The following CIRSR variants were observed in gnomAD, a reference collection of about 807,000 sequenced individuals.
CIRSR encodes CBF1 (RBPJ) interacting corepressor 1.
chr2:174,383,781 G>C, the CIRSR span, among the ~76,000 whole-genome samples: 2 of 140,746 alleles, frequency 1.4e-5, no homozygotes, highest in Non-Finnish European at 3.0e-5. Flanking sequence ...GGTATCACTA[G>C]TTATTAGGGA....
chr2:174,386,550 G>A, the CIRSR span, among the ~76,000 whole-genome samples: 5 of 152,066 alleles, frequency 3.3e-5, no homozygotes, highest in Non-Finnish European at 7.3e-5. Flanking sequence ...GTGTGGAGCT[G>A]TCCTGTGCAT....
At chr2:174,370,272 A>T in the CIRSR span, among the ~76,000 whole-genome samples, 2 of 152,202 alleles carry the variant, frequency 1.3e-5, no homozygotes, top group Non-Finnish European at 2.9e-5. Flanking sequence ...GTTGGTCTCA[A>T]ACGCTGGTCT....
the CIRSR span, among the ~76,000 whole-genome samples, chr2:174,359,336 A>T: frequency 1.4e-4 from 1 of 7,302 alleles, no homozygotes; most frequent in African/African-American, 1.9e-4. Flanking sequence ...ATTTTACTTA[A>T]AAAAAAAAAA....
At chr2:174,391,743 T>C in the CIRSR span, among the ~76,000 whole-genome samples, 1 of 152,084 alleles carries the variant, frequency 6.6e-6, no homozygotes, top group Admixed American at 6.6e-5. Flanking sequence ...GACAATTCTA[T>C]CGAAATAACT....
chr2:174,386,477 C>T, the CIRSR span, among the ~76,000 whole-genome samples: 21 of 152,310 alleles, frequency 1.4e-4, no homozygotes, highest in African/African-American at 4.3e-4. Context: ...CCACTGCGCC[C>T]GACCAAATTA....
chr2:174,395,651 G>C, the CIRSR span: 8 of 1,614,172 alleles, frequency 5.0e-6, no homozygotes, highest in Non-Finnish European at 6.8e-6. Flanking sequence ...GAAAGCAGGG[G>C]CTAGATCTGT....
the CIRSR span, chr2:174,380,255 TAAATA>T: frequency 6.3e-7 from 1 of 1,585,380 alleles, no homozygotes; most frequent in African/African-American, 1.4e-5. Context: ...GCATATCTAT[TAAATA>T]GAGGAAATGT....
the CIRSR span, chr2:174,369,856 C>T: frequency 9.0e-7 from 1 of 1,105,368 alleles, no homozygotes; most frequent in Non-Finnish European, 1.2e-6. Flanking sequence ...TCACTGAGCA[C>T]AGATCACCAT....
chr2:174,350,618 T>G, the CIRSR span: 1 of 1,332,902 alleles, frequency 7.5e-7, no homozygotes, highest in Non-Finnish European at 1.0e-6. Context: ...AGATGAATAC[T>G]AAGGAAAAAA....
the CIRSR span, among the ~76,000 whole-genome samples, chr2:174,385,458 A>G: frequency 6.6e-6 from 1 of 152,196 alleles, no homozygotes; most frequent in East Asian, 1.9e-4. Context: ...ACCTAGAAGT[A>G]ATAATATCTT....
the CIRSR span, among the ~76,000 whole-genome samples, chr2:174,350,406 A>G: frequency 4.6e-5 from 7 of 152,236 alleles, no homozygotes; most frequent in East Asian, 1.2e-3. Context: ...AAAGCTATAA[A>G]TAAGTCTAAT....
At chr2:174,369,788 A>G in the CIRSR span, among the ~76,000 whole-genome samples, 2 of 152,208 alleles carry the variant, frequency 1.3e-5, no homozygotes, top group Non-Finnish European at 2.9e-5. Flanking sequence ...TAAGTTTGCC[A>G]TCTTCTATAG....
chr2:174,376,894 T>G, the CIRSR span, among the ~76,000 whole-genome samples: 6 of 152,124 alleles, frequency 3.9e-5, no homozygotes, highest in African/African-American at 1.4e-4. Context: ...TATGGGCATG[T>G]TTTTTTGAGG....
the CIRSR span, among the ~76,000 whole-genome samples, chr2:174,356,547 G>GAAGGAAGGAAGGA: frequency 6.7e-6 from 1 of 148,508 alleles, no homozygotes; most frequent in Non-Finnish European, 1.5e-5. Flanking sequence ...AGGAAGGAAG[G>GAAGGAAGGAAGGA]AAGGAAAGGA....
chr2:174,374,888 A>G, the CIRSR span, among the ~76,000 whole-genome samples: 1 of 152,192 alleles, frequency 6.6e-6, no homozygotes, highest in African/African-American at 2.4e-5. Context: ...CTTCCTGATC[A>G]CTTAATCTAA....
the CIRSR span, among the ~76,000 whole-genome samples, chr2:174,376,801 GAAAAAAA>G: frequency 7.2e-3 from 773 of 106,910 alleles, 10 homozygotes; most frequent in African/African-American, 0.027. Flanking sequence ...CTGTCTCAGG[GAAAAAAA>G]AAAAAAAAAA....
chr2:174,358,295 A>C, the CIRSR span: 1 of 152,216 alleles, frequency 6.6e-6, no homozygotes, highest in East Asian at 1.9e-4. Context: ...GCTGAAGTGC[A>C]ATGACACCAT....
the CIRSR span, chr2:174,351,545 A>T: frequency 4.8e-6 from 6 of 1,253,960 alleles, no homozygotes; most frequent in Admixed American, 9.3e-5. Context: ...ATTGGAAAAC[A>T]TTAAGTAGCA....
chr2:174,387,760 T>C, the CIRSR span: 6 of 1,596,186 alleles, frequency 3.8e-6, no homozygotes, highest in Non-Finnish European at 4.3e-6. Flanking sequence ...ATATGATATT[T>C]TCTGTTCTGC....
Sources: allele counts gnomAD v4.1 joint callset (sites outside exome capture counted in the v4.1 genomes callset), GRCh38; gene constraint gnomAD v4.1.1; transcripts MANE v1.5; gene names NCBI Gene and HGNC (gene_info 2026-07-23, HGNC 2026-07-21).